CUX1: variants seen among roughly 807,000 people sequenced by gnomAD.
CUX1 encodes the protein cut like homeobox 1, also known as protein CASP.
CUX1 carries 31 observed loss-of-function variants against 158.8 expected under a neutral mutation model. The observed-to-expected ratio is 0.20, with a 90% CI of 0.15 to 0.26. CUX1 has a LOEUF of 0.26. Among genes scored for constraint, CUX1 ranks in the 10% least tolerant of loss-of-function variants. CUX1 has a pLI of 1.00. For missense variants in CUX1, 1,589 were observed against 2,014.6 expected (o/e 0.79, Z 4.04); for synonymous variants, 879 against 862.1 (o/e 1.02, Z -0.34).
At chr7:102,226,309 C>G (rs1037624456) in intron 20 of CUX1, among the ~76,000 whole-genome samples, 6 of 152,210 alleles carry the variant, frequency 3.9e-5, no homozygotes, top group African/African-American at 1.4e-4. Context: ...GCAGAACCAG[C>G]AAGTCCCAAG....
At chr7:101,898,739 C>T (rs1801821457) in intron 1 of CUX1, among the ~76,000 whole-genome samples, 1 of 152,008 alleles carries the variant, frequency 6.6e-6, no homozygotes, top group South Asian at 2.1e-4. Context: ...TACAGGCACG[C>T]ACCACCACAC....
At chr7:101,977,986 T>A (rs1812924621) in intron 2 of CUX1, among the ~76,000 whole-genome samples, 2 of 151,228 alleles carry the variant, frequency 1.3e-5, no homozygotes, top group Admixed American at 1.3e-4. Flanking sequence ...CCCTGACCCC[T>A]GTCTGAGATA....
chr7:102,246,374 G>A (rs1399820059), intron 23 of CUX1, among the ~76,000 whole-genome samples: 23 of 152,126 alleles, frequency 1.5e-4, no homozygotes, highest in Non-Finnish European at 3.1e-4. Flanking sequence ...TTTCCTTTCT[G>A]AACCAGAGCT....
At chr7:101,986,350 G>A (rs747040198) in intron 2 of CUX1, among the ~76,000 whole-genome samples, 1 of 152,190 alleles carries the variant, frequency 6.6e-6, no homozygotes, top group Non-Finnish European at 1.5e-5. Context: ...TTCAAGATAT[G>A]TATTTATTTA....
chr7:102,245,493 C>G (rs547012048), intron 23 of CUX1, among the ~76,000 whole-genome samples: 2 of 152,172 alleles, frequency 1.3e-5, no homozygotes, highest in African/African-American at 2.4e-5. Flanking sequence ...TAACGGTGTC[C>G]GCTCCCCACC....
At chr7:101,918,722 A>G (rs989274698) in intron 2 of CUX1, among the ~76,000 whole-genome samples, 1 of 152,192 alleles carries the variant, frequency 6.6e-6, no homozygotes, top group African/African-American at 2.4e-5. Context: ...CCAAGACGAG[A>G]CCCACTTCAC....
At chr7:101,921,658 C>T (rs1290199031) in intron 2 of CUX1, among the ~76,000 whole-genome samples, 1 of 152,040 alleles carries the variant, frequency 6.6e-6, no homozygotes, top group Non-Finnish European at 1.5e-5. Context: ...GACGGAGTTC[C>T]ACCATGTTGG....
chr7:102,151,512 C>CCATT (rs1835655101), intron 8 of CUX1, among the ~76,000 whole-genome samples: 1 of 151,928 alleles, frequency 6.6e-6, no homozygotes, highest in African/African-American at 2.4e-5. Context: ...TGAGATCATG[C>CCATT]CATTACACTC....
chr7:101,848,666 C>A (rs937800928), intron 1 of CUX1, among the ~76,000 whole-genome samples: 2 of 151,896 alleles, frequency 1.3e-5, no homozygotes, highest in Admixed American at 6.6e-5. Flanking sequence ...ATGTGCTTAA[C>A]CATAAGGATC....
intron 9 of CUX1, among the ~76,000 whole-genome samples, chr7:102,169,009 C>T (rs1791425268): frequency 6.7e-6 from 1 of 149,098 alleles, no homozygotes; most frequent in African/African-American, 2.5e-5. Flanking sequence ...CTCTGCTCAC[C>T]GCAAACCTCT....
At chr7:102,267,192 T>C (rs138180064) in intron 14 of CUX1, among the ~76,000 whole-genome samples, 1 of 149,306 alleles carries the variant, frequency 6.7e-6, no homozygotes, top group East Asian at 2.0e-4. Flanking sequence ...AGAGATACCA[T>C]GTGCACCGAG....
chr7:102,216,596 T>A (rs399247), intron 20 of CUX1, among the ~76,000 whole-genome samples: 69 of 8,204 alleles, frequency 8.4e-3, no homozygotes, highest in African/African-American at 0.02. Flanking sequence ...ACACACACAC[T>A]CCCACACACA....
intron 4 of CUX1, among the ~76,000 whole-genome samples, chr7:102,082,361 T>A (rs1827514864): frequency 6.8e-6 from 1 of 146,386 alleles, no homozygotes; most frequent in South Asian, 2.2e-4. Context: ...ACCCCGTCTC[T>A]ACTAAAAATA....
intron 6 of CUX1, among the ~76,000 whole-genome samples, chr7:102,109,783 CAA>C (rs574010132): frequency 2.4e-4 from 29 of 121,212 alleles, no homozygotes; most frequent in Non-Finnish European, 2.8e-4. Flanking sequence ...ACCCTGTCTC[CAA>C]AAAAAAAAAA....
intron 6 of CUX1, among the ~76,000 whole-genome samples, chr7:102,109,110 A>G (rs1490464542): frequency 6.6e-6 from 1 of 152,196 alleles, no homozygotes; most frequent in Admixed American, 6.6e-5. Context: ...ACATACTGGA[A>G]GAAAACTGGG....
chr7:102,048,916 A>C (rs1823154030), intron 3 of CUX1, among the ~76,000 whole-genome samples: 1 of 152,148 alleles, frequency 6.6e-6, no homozygotes, highest in Admixed American at 6.6e-5. Context: ...CTATCTCAAA[A>C]AAACAAACAA....
chr7:102,124,574 A>G (rs1554494526), intron 8 of CUX1, among the ~76,000 whole-genome samples: 1 of 152,198 alleles, frequency 6.6e-6, no homozygotes, highest in Non-Finnish European at 1.5e-5. Context: ...AGTGAAATGA[A>G]CCAGGCACAG....
intron 3 of CUX1, among the ~76,000 whole-genome samples, chr7:102,032,997 G>A (rs1400887446): frequency 3.9e-5 from 6 of 152,206 alleles, no homozygotes; most frequent in Admixed American, 1.3e-4. Flanking sequence ...GAGAAGGGGC[G>A]TGTTATGGAA....
intron 3 of CUX1, among the ~76,000 whole-genome samples, chr7:102,037,741 A>G (rs1400818273): frequency 3.3e-5 from 5 of 151,694 alleles, no homozygotes; most frequent in African/African-American, 1.2e-4. Flanking sequence ...AGCTTTTTTC[A>G]TGGAAAGATA....
Sources: allele counts gnomAD v4.1 joint callset (sites outside exome capture counted in the v4.1 genomes callset), GRCh38; gene constraint gnomAD v4.1.1; transcripts MANE v1.5; gene names NCBI Gene and HGNC (gene_info 2026-07-23, HGNC 2026-07-21).